C1orf116: variants seen among roughly 807,000 people sequenced by gnomAD.
C1orf116 encodes specifically androgen-regulated gene protein.
A neutral mutation model predicts 14.1 loss-of-function variants in C1orf116; 12 were observed. The observed-to-expected ratio is 0.85, with a 90% CI of 0.54 to 1.38. C1orf116 has a LOEUF of 1.38. Ranked by LOEUF, C1orf116 falls within the 40% of genes most tolerant of loss-of-function variation. C1orf116 has a pLI of 0.00. For synonymous variants in C1orf116, 296 were observed against 299.0 expected (o/e 0.99, Z 0.10); for missense variants, 797 against 747.0 (o/e 1.07, Z -0.78).
rs760559013 is a variant in C1orf116 at position 207,024,889 on chromosome 1, C to G, written c.281G>C (p.Arg94Pro). Residue 94 changes from arginine to proline, a missense_variant and splice_region_variant, in exon 3 of 4, where the codon CGG (arginine) becomes CCG (proline). Transcript: ENST00000359470. The stretch of plus-strand genomic sequence containing the variant: ...CCACCCCAGAGGGTCTGCCTTACCC[C>G]GGGGAGTGGGTTGGGTTATGGGCAG... ...RALPITQPTP[R>P]GGPEETITQQ... 3.7e-5 allele frequency: 60 copies of G among 1,610,832 alleles called. No homozygotes were observed. Among genetic ancestry groups the G allele is most frequent in the Non-Finnish European group, 4.8e-5 (56 of 1,177,454 alleles).
chr1:207,024,876 G>T lies in C1orf116; in HGVS notation c.283+11C>A. 1 of 1,606,446 alleles carries T rather than the reference G, an allele frequency of 6.2e-7. No individual in the cohort carries two copies. Among genetic ancestry groups the T allele is most frequent in the East Asian group, 2.2e-5 (1 of 44,574 alleles). ...TTTTGCTGGGGTTCCACCCCAGAGG[G>T]TCTGCCTTACCCCGGGGAGTGGGTT... On this transcript the variant is annotated intron_variant, in intron 3 of 3. Transcript: ENST00000359470.
chr1:207,020,856 GA>G lies in C1orf116; in HGVS notation c.*1101del, dbSNP rs1388720741. ...AGGTGGCAGCATGCAACAAGGGTAA[GA>G]ACCTCAGCTCTTTCCCTAAATGGCA... On this transcript the variant is annotated 3_prime_UTR_variant, in exon 4 of 4. Coordinates refer to ENST00000359470, the MANE Select transcript of C1orf116 (RefSeq NM_023938.6). The G allele has an allele frequency of 6.6e-6, 1 of 152,070 alleles. No individual in the cohort carries two copies. Among genetic ancestry groups the G allele is most frequent in the Non-Finnish European group, 1.5e-5 (1 of 68,010 alleles). The allele number at this position is 152,070 out of a possible 1,614,324, so 9.4% of individuals were successfully genotyped here. A position where few individuals can be genotyped will look rare whatever the true frequency, so the allele number is the denominator to read the frequency against.
At chr1:207,031,160 T>G (rs575359440) in intron 1 of C1orf116, among the ~76,000 whole-genome samples, 1 of 152,314 alleles carries the variant, frequency 6.6e-6, no homozygotes, top group East Asian at 1.9e-4. Context: ...TACCCAGAAA[T>G]GTGCCTTGGG....
At position 207,027,770 on chromosome 1, in the gene C1orf116, G is replaced by A. The variant is rs2102303733; in HGVS notation, c.-81-91C>T. On this transcript the variant is annotated intron_variant, in intron 1 of 3. Coordinates refer to ENST00000359470, the MANE Select transcript of C1orf116 (RefSeq NM_023938.6). ...GGCGGCATGGCGGGAAGGACACCAAGCAAGCAGAGAGCTGGAAGGGGGGCA... is the reference window on the plus strand; with the variant it reads ...GGCGGCATGGCGGGAAGGACACCAAACAAGCAGAGAGCTGGAAGGGGGGCA... 2.2e-6 allele frequency: 3 copies of A among 1,365,152 alleles called. No homozygotes were observed. The East Asian group carries it at 7.6e-5, about 35-fold the overall frequency. The allele number at this position is 1,365,152 out of a possible 1,614,324, so 84.6% of individuals were successfully genotyped here.
chr1:207,022,791 G>A lies in C1orf116; in HGVS notation c.973C>T (p.His325Tyr), dbSNP rs547704570. ...HSDPQHWLSR[H>Y]TEAAPGDSGL... ...GAATCTCCAGGGGCAGCCTCAGTGT[G>A]GCGGGACAGCCAGTGCTGGGGGTCA... Residue 325 changes from histidine to tyrosine, a missense_variant, in exon 4 of 4, where the codon CAC (histidine) becomes TAC (tyrosine). By Grantham distance (83) the His-to-Tyr change is moderately conservative. Transcript: ENST00000359470. The A allele has an allele frequency of 6.2e-7, 1 of 1,614,130 alleles. No individual in the cohort carries two copies. Among genetic ancestry groups the A allele is most frequent in the South Asian group, 1.1e-5 (1 of 91,086 alleles).
chr1:207,027,265 G>C (rs560682403), intron 2 of C1orf116, among the ~76,000 whole-genome samples: 3 of 152,078 alleles, frequency 2.0e-5, no homozygotes. Context: ...GAAAATCGGC[G>C]GAAAAAGTCT....
At position 207,024,924 on chromosome 1, in the gene C1orf116, A is replaced by G. The variant is rs1572695864; in HGVS notation, c.246T>C (p.Gly82=). ...GTTGGGTTATGGGCAGTGCTCGGAAACCTCTGGGAGTTGTGGCTGGCTCAG... is the reference window on the plus strand; with the variant it reads ...GTTGGGTTATGGGCAGTGCTCGGAAGCCTCTGGGAGTTGTGGCTGGCTCAG... ...DESEPATTPR[G]FRALPITQPT... The change falls in exon 3 of 4, where the codon GGT becomes GGC. Residue 82 remains glycine (G), a synonymous_variant. Coordinates refer to ENST00000359470, the MANE Select transcript of C1orf116 (RefSeq NM_023938.6). The G allele has an allele frequency of 2.5e-6, 4 of 1,613,358 alleles. No homozygotes were observed. The South Asian group carries it at 3.3e-5, about 13-fold the overall frequency.
chr1:207,030,462 A>G (rs944467162), intron 1 of C1orf116, among the ~76,000 whole-genome samples: 2 of 152,182 alleles, frequency 1.3e-5, no homozygotes, highest in Non-Finnish European at 2.9e-5. Context: ...ATACTTCCAG[A>G]CCAGTGTATT....
At chr1:207,024,828 A>C (rs1293999341) in intron 3 of C1orf116, 59 bp downstream of exon 3, 2 of 1,577,926 alleles carry the variant, frequency 1.3e-6, no homozygotes, top group Non-Finnish European at 8.7e-7. Context: ...AAGTGGCCGG[A>C]GGGGACATAT....
rs1164865973 is a variant in C1orf116 at position 207,021,511 on chromosome 1, AT to A, written c.*446del. 1 of 153,166 alleles carries A rather than the reference AT, an allele frequency of 6.5e-6. No individual in the cohort carries two copies. The highest frequency in any genetic ancestry group is 2.4e-5 in the African/African-American group (1 of 41,422). The allele number at this position is 153,166 out of a possible 1,614,324, so 9.5% of individuals were successfully genotyped here. A position where few individuals can be genotyped will look rare whatever the true frequency, so the allele number is the denominator to read the frequency against. On this transcript the variant is annotated 3_prime_UTR_variant, in exon 4 of 4. Coordinates refer to ENST00000359470, the MANE Select transcript of C1orf116 (RefSeq NM_023938.6). Reference sequence around the variant, plus strand: ...AGGGATTCCAGGAGGCCCATATTTCATGTGACCCTGCATTTGCTGGATGTGA... The same window carrying A: ...AGGGATTCCAGGAGGCCCATATTTCAGTGACCCTGCATTTGCTGGATGTGA...
rs745744170 is a variant in C1orf116 at position 207,025,103 on chromosome 1, G to T, written c.106-39C>A. The T allele has an allele frequency of 8.4e-6, 8 of 951,058 alleles. 1 individual carries two copies. Among genetic ancestry groups the T allele is most frequent in the African/African-American group, 4.9e-5 (3 of 61,492 alleles). The allele number at this position is 951,058 out of a possible 1,614,324, so 58.9% of individuals were successfully genotyped here. The stretch of plus-strand genomic sequence containing the variant: ...GGTTGGGGGCGGGGGCGGGGAGGCG[G>T]GGGGGAGGGCGAGAAGAAGAACAGG... On this transcript the variant is annotated intron_variant, in intron 2 of 3. Transcript: ENST00000359470.
At position 207,028,220 on chromosome 1, in the gene C1orf116, G is replaced by A. The variant is rs535819897; in HGVS notation, c.-81-541C>T. On this transcript the variant is annotated intron_variant, in intron 1 of 3. Transcript: ENST00000359470. ...ATTATTGTTCTTGTAACAAGAAAAAGACAAGATCTATCTAGGATCAAACTA... is the reference window on the plus strand; with the variant it reads ...ATTATTGTTCTTGTAACAAGAAAAAAACAAGATCTATCTAGGATCAAACTA... Among the ~76,000 whole-genome samples, 11 of 152,246 alleles carry A rather than the reference G, an allele frequency of 7.2e-5. 1 individual carries two copies. In the East Asian group the frequency reaches 1.9e-3, roughly 27 times the overall value.
Position 207,023,204 on chromosome 1 carries a change from T to C in C1orf116, c.560A>G (p.Gln187Arg), listed in dbSNP as rs1024108664. Reference protein sequence around the residue: ...SQPRQAPASPQEAALDLDVVL... With the variant: ...SQPRQAPASPREAALDLDVVL... The stretch of plus-strand genomic sequence containing the variant: ...CACGTCCAAGTCAAGGGCAGCCTCC[T>C]GGGGGCTGGCAGGTGCCTGCCTGGG... Residue 187 changes from glutamine (Q) to arginine (R), a missense_variant, in exon 4 of 4, where the codon CAG (glutamine) becomes CGG (arginine). Transcript: ENST00000359470. The C allele has an allele frequency of 3.1e-6, 5 of 1,609,448 alleles. No homozygotes were observed. The highest frequency in any genetic ancestry group is 4.2e-6 in the Non-Finnish European group (5 of 1,177,584).
chr1:207,027,316 T>G (rs560924440), intron 2 of C1orf116, among the ~76,000 whole-genome samples, 178 bp downstream of exon 2: 57 of 152,182 alleles, frequency 3.7e-4, no homozygotes, highest in Admixed American at 6.5e-4. Flanking sequence ...CATCCTATTC[T>G]CTATAGAGCC....
rs763188734 is a variant in C1orf116 at position 207,022,109 on chromosome 1, T to C, written c.1655A>G (p.Gln552Arg). ...GGACAGGCGCTTGGAGCTCTGCTCC[T>C]GCTCCAGGTCAGCCAGCTTGCCTAC... ...IQVGKLADLE[Q>R]EQSSKRLSYQ... Residue 552 changes from glutamine (Q) to arginine (R), a missense_variant, in exon 4 of 4, where the codon CAG becomes CGG. By Grantham distance (43) the Gln-to-Arg change is conservative. Coordinates refer to ENST00000359470, the MANE Select transcript of C1orf116 (RefSeq NM_023938.6). The C allele has an allele frequency of 3.1e-6, 5 of 1,612,680 alleles. No homozygotes were observed. Among genetic ancestry groups the C allele is most frequent in the African/African-American group, 2.7e-5 (2 of 74,908 alleles).
At position 207,022,326 on chromosome 1, in the gene C1orf116, T is replaced by G; in HGVS notation, c.1438A>C (p.Lys480Gln). The G allele has an allele frequency of 6.2e-7, 1 of 1,613,822 alleles. No individual in the cohort carries two copies. The highest frequency in any genetic ancestry group is 8.5e-7 in the Non-Finnish European group (1 of 1,179,788). ...CCTGAGCGCTCCAGAGTGTTGGACTTGAAGTTCATCTGTCTCAGGCCAGGG... is the reference window on the plus strand; with the variant it reads ...CCTGAGCGCTCCAGAGTGTTGGACTGGAAGTTCATCTGTCTCAGGCCAGGG... ...NTPGLRQMNF[K>Q]SNTLERSGVG... is the part of the protein sequence containing the mutation. Residue 480 changes from lysine (K) to glutamine (Q), a missense_variant, in exon 4 of 4, where the codon AAG becomes CAG. Transcript: ENST00000359470.
Position 207,023,419 on chromosome 1 carries a change from G to A in C1orf116, c.345C>T (p.Ser115=), listed in dbSNP as rs780912165. The A allele has an allele frequency of 3.7e-6, 6 of 1,613,802 alleles. No individual in the cohort carries two copies. The highest frequency in any genetic ancestry group is 5.1e-6 in the Non-Finnish European group (6 of 1,179,918). Residue 115 remains serine (S), a synonymous_variant, in exon 4 of 4, where the codon AGC becomes AGT. Transcript: ENST00000359470. ...CCTGGGGCTCAGGAGGGTGGGATGA[G>A]CTGGACTCAGTTACTGTCCTTGGCG... ...GRTPRTVTES[S]SSHPPEPQGL...
At chr1:207,027,779 G>C in intron 1 of C1orf116, 100 bp from the exon 2 acceptor site, 1 of 1,318,390 alleles carries the variant, frequency 7.6e-7, no homozygotes, top group Non-Finnish European at 1.0e-6. Flanking sequence ...AGCAAGCAGA[G>C]AGCTGGAAGG....
At position 207,019,599 on chromosome 1, in the gene C1orf116, C is replaced by T. The variant is rs1026653811; in HGVS notation, c.*2359G>A. ...GGGAGGCGGATGTCCTCACTGGGCCCTCTTGCATCTCTTCAAAATGGGAAT... is the reference window on the plus strand; with the variant it reads ...GGGAGGCGGATGTCCTCACTGGGCCTTCTTGCATCTCTTCAAAATGGGAAT... On this transcript the variant is annotated 3_prime_UTR_variant, in exon 4 of 4. Transcript: ENST00000359470. 1.3e-5 allele frequency: 2 copies of T among 152,198 alleles called. No individual in the cohort carries two copies. Among genetic ancestry groups the T allele is most frequent in the African/African-American group, 4.8e-5 (2 of 41,450 alleles). 9.4% of individuals were successfully genotyped at this position (152,198 alleles called of 1,614,324 possible).
Sources: gnomAD v4.1 joint callset for allele counts (sites outside exome capture counted in the v4.1 genomes callset) on GRCh38, gnomAD v4.1.1 for gene constraint, MANE v1.5 for transcripts, NCBI Gene and HGNC (gene_info 2026-07-23, HGNC 2026-07-21) for gene names.